Variants in PRKRIP1 observed in about 807,000 individuals in gnomAD.
PRKRIP1 encodes the protein PRKR interacting protein 1, also known as PRKR-interacting protein 1.
PRKRIP1 carries 29 observed loss-of-function variants against 29.3 expected under a neutral mutation model. The observed-to-expected ratio is 0.99, with a 90% confidence interval of 0.74 to 1.35. PRKRIP1 has a LOEUF of 1.35. Ranked by LOEUF, PRKRIP1 falls within the 40% of genes most tolerant of loss-of-function variation. The pLI, the probability that PRKRIP1 is intolerant of heterozygous loss-of-function variation, is 0.00. For synonymous variants in PRKRIP1, 90 were observed against 85.1 expected (o/e 1.06, Z -0.32); for missense variants, 247 against 236.8 (o/e 1.04, Z -0.28).
Position 102,425,267 on chromosome 7 carries a change from G to A in PRKRIP1, c.*156G>A, listed in dbSNP as rs1563627247. On this transcript the variant is annotated 3_prime_UTR_variant, in exon 6 of 6. Transcript: ENST00000397912. ...CGAGCCGCTCACAGTCCTGTATTTG[G>A]CAGGTTTGGGAGCCTGAGGGGCCAT... 9 of 1,470,346 alleles carry A rather than the reference G, an allele frequency of 6.1e-6. No individual in the cohort carries two copies. The highest frequency in any genetic ancestry group is 8.1e-6 in the Non-Finnish European group (9 of 1,108,960). The allele number at this position is 1,470,346 out of a possible 1,614,324, so 91.1% of individuals were successfully genotyped here.
At chr7:102,401,307 A>C (rs1452258497) in intron 3 of PRKRIP1, among the ~76,000 whole-genome samples, 1 of 152,234 alleles carries the variant, frequency 6.6e-6, no homozygotes, top group African/African-American at 2.4e-5. Flanking sequence ...TCTGCTGTAT[A>C]ATTCTTTTAA....
intron 5 of PRKRIP1, among the ~76,000 whole-genome samples, chr7:102,421,092 C>G (rs1483091203): frequency 6.6e-6 from 1 of 152,126 alleles, no homozygotes; most frequent in Non-Finnish European, 1.5e-5. Flanking sequence ...ATCAAAAAGG[C>G]CTGCAGATCC....
chr7:102,405,944 T>C, intron 4 of PRKRIP1: 1 of 338,206 alleles, frequency 3.0e-6, no homozygotes, highest in South Asian at 2.6e-5. Context: ...TCCCGCTGGT[T>C]GTGGAAGTGC....
chr7:102,405,403 TAAC>T (rs1234982566), intron 4 of PRKRIP1, among the ~76,000 whole-genome samples: 17 of 152,342 alleles, frequency 1.1e-4, no homozygotes, highest in African/African-American at 3.8e-4. Flanking sequence ...AGGAGGATTC[TAAC>T]AACAGCCCCT....
At chr7:102,402,479 A>G (rs1487642999) in intron 3 of PRKRIP1, among the ~76,000 whole-genome samples, 2 of 152,056 alleles carry the variant, frequency 1.3e-5, no homozygotes, top group African/African-American at 4.8e-5. Flanking sequence ...AGGGAGGGAG[A>G]GAAAGGAAAA....
chr7:102,402,716 A>G (rs76626730), intron 3 of PRKRIP1, among the ~76,000 whole-genome samples: 11,777 of 152,112 alleles, frequency 0.077, 514 homozygotes, highest in African/African-American at 0.11. Context: ...AAAGGCAAGC[A>G]CGTCCTCATT....
Position 102,425,163 on chromosome 7 carries a change from G to T in PRKRIP1, c.*52G>T. 1 of 1,573,950 alleles carries T rather than the reference G, an allele frequency of 6.4e-7. No homozygotes were observed. The highest frequency in any genetic ancestry group is 2.3e-5 in the East Asian group (1 of 43,552). On this transcript the variant is annotated 3_prime_UTR_variant, in exon 6 of 6. Coordinates refer to ENST00000397912, the MANE Select transcript of PRKRIP1 (RefSeq NM_024653.4). The stretch of plus-strand genomic sequence containing the variant: ...AACCTGGCTCGTGCTGTGACCAGAA[G>T]GGAAAGGCGGCTGTTTGGCTCTTTC...
chr7:102,398,994 T>C (rs1554570831), intron 2 of PRKRIP1, among the ~76,000 whole-genome samples: 3 of 152,124 alleles, frequency 2.0e-5, no homozygotes, highest in Non-Finnish European at 4.4e-5. Context: ...TAGTGGTGCA[T>C]GCCTCTGGTC....
intron 5 of PRKRIP1, among the ~76,000 whole-genome samples, chr7:102,419,445 T>C (rs1436728738): frequency 6.6e-6 from 1 of 152,162 alleles, no homozygotes; most frequent in Non-Finnish European, 1.5e-5. Context: ...GTTTTAATTA[T>C]TTGTGCTGTA....
Position 102,425,350 on chromosome 7 carries a change from G to A in PRKRIP1, c.*239G>A. 7.1e-6 allele frequency: 5 copies of A among 705,004 alleles called. No homozygotes were observed. The highest frequency in any genetic ancestry group is 1.1e-5 in the Non-Finnish European group (5 of 439,902). The allele number at this position is 705,004 out of a possible 1,614,324, so 43.7% of individuals were successfully genotyped here. A position where few individuals can be genotyped will look rare whatever the true frequency, so the allele number is the denominator to read the frequency against. On this transcript the variant is annotated 3_prime_UTR_variant, in exon 6 of 6. Transcript: ENST00000397912. ...CACCATCCGTGCTCCTGGTAAAGGG[G>A]GACAGAGAGCCTCACCTTGCCACAT...
rs1796836112 is a variant in PRKRIP1, at chr7:102,426,579, T to G, written c.*1468T>G. The G allele has an allele frequency of 6.5e-6, 1 of 152,744 alleles. No individual in the cohort carries two copies. The highest frequency in any genetic ancestry group is 2.1e-4 in the South Asian group (1 of 4,838). The allele number at this position is 152,744 out of a possible 1,614,324, so 9.5% of individuals were successfully genotyped here. A position where few individuals can be genotyped will look rare whatever the true frequency, so the allele number is the denominator to read the frequency against. ...TAGCATCTGTGATAGCTTCTGTCCCTTCATCGGTTCATGTCACAGGGATTT... is the reference window on the plus strand; with the variant it reads ...TAGCATCTGTGATAGCTTCTGTCCCGTCATCGGTTCATGTCACAGGGATTT... On this transcript the variant is annotated 3_prime_UTR_variant, in exon 6 of 6. Transcript: ENST00000397912.
chr7:102,405,196 G>T (rs1369702032), intron 4 of PRKRIP1, among the ~76,000 whole-genome samples: 9 of 152,088 alleles, frequency 5.9e-5, no homozygotes, highest in Non-Finnish European at 8.8e-5. Flanking sequence ...CAAAGTGCTG[G>T]GATTACAGGC....
At chr7:102,413,574 C>CA (rs1244169274) in intron 5 of PRKRIP1, among the ~76,000 whole-genome samples, 3 of 152,120 alleles carry the variant, frequency 2.0e-5, no homozygotes, top group African/African-American at 7.2e-5. Flanking sequence ...CCAGTGTGGG[C>CA]AACATAGCAA....
intron 5 of PRKRIP1, among the ~76,000 whole-genome samples, chr7:102,421,374 G>A (rs189094026): frequency 4.3e-4 from 65 of 151,494 alleles, no homozygotes; most frequent in African/African-American, 1.5e-3. Flanking sequence ...TTGAGACCTC[G>A]TCTCTACAAA....
chr7:102,421,356 CA>C (rs1367907599), intron 5 of PRKRIP1, among the ~76,000 whole-genome samples: 5 of 150,514 alleles, frequency 3.3e-5, no homozygotes, highest in African/African-American at 1.2e-4. Flanking sequence ...CCAGCCTGGG[CA>C]ACATGGTTGA....
intron 5 of PRKRIP1, among the ~76,000 whole-genome samples, chr7:102,410,375 A>G (rs1380912369): frequency 6.6e-6 from 1 of 152,160 alleles, no homozygotes; most frequent in African/African-American, 2.4e-5. Context: ...CGCCCAGGGG[A>G]AAATGCTGTT....
rs556630498 is a variant in PRKRIP1 at position 102,409,318 on chromosome 7, G to A, written c.457+1820G>A. ...AGAAATTATTTTAAATTGCTAAAAT[G>A]TGACTGATAGGACCTCATCTCTCAA... On this transcript the variant is annotated intron_variant, in intron 5 of 5. Transcript: ENST00000397912. Among the ~76,000 whole-genome samples, 208 of 152,284 alleles carry A rather than the reference G, an allele frequency of 1.4e-3. 1 individual carries two copies. The highest frequency in any genetic ancestry group is 4.6e-3 in the African/African-American group (193 of 41,554).
At chr7:102,407,643 C>G (rs1475071530) in intron 5 of PRKRIP1, 145 bp downstream of exon 5, 3 of 643,462 alleles carry the variant, frequency 4.7e-6, no homozygotes, top group Non-Finnish European at 8.4e-6. Context: ...TTAGCTAGGA[C>G]CCATTGAATT....
chr7:102,419,706 A>G (rs1266104506), intron 5 of PRKRIP1, among the ~76,000 whole-genome samples: 2 of 152,152 alleles, frequency 1.3e-5, no homozygotes, highest in East Asian at 3.8e-4. Flanking sequence ...TTAATGCCCC[A>G]TTCCTTTTGC....
Sources: allele counts gnomAD v4.1 joint callset (sites outside exome capture counted in the v4.1 genomes callset), GRCh38; gene constraint gnomAD v4.1.1; transcripts MANE v1.5; gene names NCBI Gene and HGNC (gene_info 2026-07-23, HGNC 2026-07-21).